CERS6: variants seen among roughly 807,000 people sequenced by gnomAD.
CERS6 encodes ceramide synthase 6.
In CERS6, 26 loss-of-function variants were observed where a neutral mutation model predicts 56.8. The ratio of observed to expected loss-of-function variants is 0.46; its 90% CI spans 0.34 to 0.63. CERS6 has a LOEUF of 0.63. Ranked by LOEUF, CERS6 falls within the 30% of genes least tolerant of loss-of-function variation. The pLI, the probability that CERS6 is intolerant of heterozygous loss-of-function variation, is 0.01. For missense variants in CERS6, 415 were observed against 467.5 expected (o/e 0.89, Z 1.04); for synonymous variants, 164 against 173.3 (o/e 0.95, Z 0.42).
chr2:168,590,437 A>T (rs1347175197), intron 3 of CERS6, among the ~76,000 whole-genome samples: 1 of 152,240 alleles, frequency 6.6e-6, no homozygotes, highest in African/African-American at 2.4e-5. Flanking sequence ...TTATAAATAT[A>T]CATTGTGGGT....
At chr2:168,525,013 G>A (rs1329532272) in intron 1 of CERS6, among the ~76,000 whole-genome samples, 3 of 152,176 alleles carry the variant, frequency 2.0e-5, no homozygotes, top group Non-Finnish European at 2.9e-5. Context: ...GTGGAAGAAA[G>A]TTTGTCTTTA....
chr2:168,499,578 C>T (rs1228845043), intron 1 of CERS6, among the ~76,000 whole-genome samples: 2 of 152,094 alleles, frequency 1.3e-5, no homozygotes, highest in Admixed American at 6.6e-5. Flanking sequence ...GAAATTTTTT[C>T]TGTATGGGTT....
At chr2:168,490,997 G>A (rs1354268051) in intron 1 of CERS6, among the ~76,000 whole-genome samples, 2 of 152,102 alleles carry the variant, frequency 1.3e-5, no homozygotes, top group African/African-American at 4.8e-5. Context: ...CTTTGGGGAG[G>A]CAGGTAACAT....
chr2:168,688,587 T>G (rs888559304), intron 4 of CERS6, among the ~76,000 whole-genome samples: 1 of 152,176 alleles, frequency 6.6e-6, no homozygotes, highest in Non-Finnish European at 1.5e-5. Context: ...GGGGTATAAC[T>G]TAATTTAAGA....
At chr2:168,469,828 G>T (rs990849839) in intron 1 of CERS6, among the ~76,000 whole-genome samples, 1 of 152,076 alleles carries the variant, frequency 6.6e-6, no homozygotes, top group Non-Finnish European at 1.5e-5. Context: ...GTGACCAGAA[G>T]ACCACACTTT....
chr2:168,525,948 G>A (rs1399213977), intron 1 of CERS6, among the ~76,000 whole-genome samples: 1 of 151,988 alleles, frequency 6.6e-6, no homozygotes, highest in African/African-American at 2.4e-5. Flanking sequence ...TTGCACATTT[G>A]GTTATTTCTC....
chr2:168,565,321 A>G (rs1466823750), intron 3 of CERS6, among the ~76,000 whole-genome samples: 2 of 152,208 alleles, frequency 1.3e-5, no homozygotes, highest in African/African-American at 2.4e-5. Context: ...GCCCCATCCC[A>G]GGGTGTCAGG....
chr2:168,671,165 C>T (rs186704684), intron 4 of CERS6, among the ~76,000 whole-genome samples: 34 of 152,032 alleles, frequency 2.2e-4, no homozygotes, highest in Non-Finnish European at 4.7e-4. Flanking sequence ...CAGGGTTTCA[C>T]CATGTTGGCC....
intron 1 of CERS6, among the ~76,000 whole-genome samples, chr2:168,534,065 A>G (rs993125507): frequency 6.6e-6 from 1 of 152,074 alleles, no homozygotes; most frequent in Non-Finnish European, 1.5e-5. Context: ...TTTCAGCTCC[A>G]TCAGGTCATT....
At chr2:168,561,892 A>G (rs978680568) in intron 3 of CERS6, among the ~76,000 whole-genome samples, 4 of 152,236 alleles carry the variant, frequency 2.6e-5, no homozygotes, top group African/African-American at 9.6e-5. Context: ...TGTTAAATAT[A>G]TTAAAGGACC....
chr2:168,474,970 T>TAA (rs1694043170), intron 1 of CERS6, among the ~76,000 whole-genome samples: 1 of 152,204 alleles, frequency 6.6e-6, no homozygotes, highest in Non-Finnish European at 1.5e-5. Flanking sequence ...AGAAACATTT[T>TAA]CATTCAGCAT....
intron 9 of CERS6, among the ~76,000 whole-genome samples, chr2:168,768,904 C>CAAAAAAAAAAAAAAAAAAAAAA (rs765504573): frequency 1.7e-5 from 1 of 59,410 alleles, no homozygotes; most frequent in Non-Finnish European, 3.6e-5. Context: ...GACTCTGACT[C>CAAAAAAAAAAAAAAAAAAAAAA]AAAAAAAAAA....
At chr2:168,550,169 T>C (rs988296765) in intron 2 of CERS6, among the ~76,000 whole-genome samples, 10 of 151,996 alleles carry the variant, frequency 6.6e-5, no homozygotes, top group Non-Finnish European at 1.3e-4. Flanking sequence ...GTCAAGGTGT[T>C]TTTTTGTTTG....
intron 1 of CERS6, among the ~76,000 whole-genome samples, chr2:168,534,365 G>A (rs546130004): frequency 2.7e-5 from 4 of 148,596 alleles, no homozygotes; most frequent in South Asian, 2.1e-4. Flanking sequence ...GTCTAGTTTC[G>A]ATCTTTGAAC....
intron 1 of CERS6, among the ~76,000 whole-genome samples, chr2:168,484,545 A>G (rs1694241581): frequency 6.6e-6 from 1 of 152,020 alleles, no homozygotes; most frequent in African/African-American, 2.4e-5. Flanking sequence ...CCACACTGGT[A>G]AGGTGACATG....
At chr2:168,579,374 T>A (rs1425029664) in intron 3 of CERS6, among the ~76,000 whole-genome samples, 1 of 152,072 alleles carries the variant, frequency 6.6e-6, no homozygotes, top group Non-Finnish European at 1.5e-5. Flanking sequence ...GCTTTCAAAT[T>A]AGAGACCTAG....
chr2:168,547,826 G>A (rs974072558), intron 2 of CERS6, 125 bp downstream of exon 2: 5 of 669,486 alleles, frequency 7.5e-6, no homozygotes, highest in Non-Finnish European at 1.3e-5. Context: ...TGGAGAACGT[G>A]TTGTCAGAAG....
At chr2:168,647,606 G>A (rs551407420) in intron 4 of CERS6, among the ~76,000 whole-genome samples, 1 of 152,196 alleles carries the variant, frequency 6.6e-6, no homozygotes, top group Admixed American at 6.5e-5. Flanking sequence ...CAAGGGGAAT[G>A]CTTCCAGCTT....
chr2:168,580,894 C>CT (rs1683391848), intron 3 of CERS6, among the ~76,000 whole-genome samples: 1 of 152,056 alleles, frequency 6.6e-6, no homozygotes, highest in Admixed American at 6.6e-5. Flanking sequence ...AGATAATGCC[C>CT]TTTTTATCCC....
Sources: allele counts gnomAD v4.1 joint callset (sites outside exome capture counted in the v4.1 genomes callset), GRCh38; gene constraint gnomAD v4.1.1; transcripts MANE v1.5; gene names NCBI Gene and HGNC (gene_info 2026-07-23, HGNC 2026-07-21).